Variants in ENPEP observed in about 807,000 individuals in gnomAD.
ENPEP encodes AP-A.
A neutral mutation model predicts 114.5 loss-of-function variants in ENPEP; 103 were observed. The observed-to-expected ratio is 0.90, with a 90% confidence interval of 0.77 to 1.06. The LOEUF is 1.06. ENPEP is among the 50% of genes least tolerant of loss of function. The pLI, the probability that ENPEP is intolerant of heterozygous loss-of-function variation, is 0.00. For missense variants in ENPEP, 1,196 were observed against 1,161.3 expected, an observed-to-expected ratio of 1.03 and a Z score of -0.43; for synonymous variants, 420 against 422.0, an observed-to-expected ratio of 1.00 and a Z score of 0.06.
rs138674118 is a variant in ENPEP at position 110,545,109 on chromosome 4, G to T, written c.2000+2039G>T. On this transcript the variant is annotated intron_variant, in intron 13 of 19. Transcript: ENST00000265162. ...AGACCATTATGAAACTTTGGTGGAG[G>T]GGGTGGAAGAGAGAAGAAATGCGTA... Among the ~76,000 whole-genome samples the T allele has an allele frequency of 4.0e-3, 601 of 151,488 alleles. 4 individuals carry two copies. The highest frequency in any genetic ancestry group is 6.3e-3 in the Non-Finnish European group (430 of 67,906).
intron 2 of ENPEP, among the ~76,000 whole-genome samples, chr4:110,489,077 G>C (rs1578391661): frequency 6.6e-6 from 1 of 151,744 alleles, no homozygotes; most frequent in Non-Finnish European, 1.5e-5. Context: ...TTTTTGTTTT[G>C]TTTTTTTGAA....
At chr4:110,554,875 G>T (rs76253667) in intron 18 of ENPEP, among the ~76,000 whole-genome samples, 1 of 151,880 alleles carries the variant, frequency 6.6e-6, no homozygotes, top group South Asian at 2.1e-4. Flanking sequence ...GCATAAAATG[G>T]CCATTAACTT....
chr4:110,520,257 A>G lies in ENPEP; in HGVS notation c.1618A>G (p.Arg540Gly). 6.2e-7 allele frequency: 1 copy of G among 1,614,156 alleles called. No individual in the cohort carries two copies. The highest frequency in any genetic ancestry group is 2.2e-5 in the East Asian group (1 of 44,880). The stretch of plus-strand genomic sequence containing the variant: ...GAAAGAAGTAATGGACACCTGGACC[A>G]GACAGATGGGTTATCCTGTGCTTAA... ...PVKEVMDTWT[R>G]QMGYPVLNVN... The change falls in exon 10 of 20, where the codon AGA becomes GGA. Residue 540 changes from arginine (R) to glycine (G), a missense_variant. Physicochemically the swap from Arg to Gly is moderately radical, Grantham distance 125. Coordinates refer to ENST00000265162, the MANE Select transcript of ENPEP (RefSeq NM_001977.4).
chr4:110,538,072 T>C (rs1726710862), intron 11 of ENPEP, among the ~76,000 whole-genome samples: 1 of 152,128 alleles, frequency 6.6e-6, no homozygotes, highest in Non-Finnish European at 1.5e-5. Context: ...GGCCTTAGGA[T>C]TTTTGGAATG....
intron 6 of ENPEP, among the ~76,000 whole-genome samples, chr4:110,510,632 G>T (rs1725540716): frequency 6.6e-6 from 1 of 151,702 alleles, no homozygotes. Flanking sequence ...AAAAACAGGT[G>T]GCATAGAAAA....
At chr4:110,531,375 A>G in intron 11 of ENPEP, 98 bp downstream of exon 11, 1 of 950,454 alleles carries the variant, frequency 1.1e-6, no homozygotes, top group Non-Finnish European at 1.4e-6. Flanking sequence ...GAACTTATGT[A>G]AACTTCAGCT....
chr4:110,514,481 C>T (rs1010707616), intron 7 of ENPEP, among the ~76,000 whole-genome samples: 3 of 151,762 alleles, frequency 2.0e-5, no homozygotes, highest in South Asian at 2.1e-4. Context: ...ATCTTTATGT[C>T]GAAATGAAAA....
At chr4:110,481,519 C>T (rs1724311097) in intron 1 of ENPEP, among the ~76,000 whole-genome samples, 1 of 152,098 alleles carries the variant, frequency 6.6e-6, no homozygotes, top group Non-Finnish European at 1.5e-5. Context: ...CAAATATTCT[C>T]AAATGGAATA....
At chr4:110,481,177 C>A (rs1724299765) in intron 1 of ENPEP, among the ~76,000 whole-genome samples, 1 of 151,966 alleles carries the variant, frequency 6.6e-6, no homozygotes, top group Non-Finnish European at 1.5e-5. Flanking sequence ...GATTCTGTGG[C>A]TAAATCAGTT....
intron 11 of ENPEP, among the ~76,000 whole-genome samples, chr4:110,538,663 T>C (rs1367011283): frequency 6.6e-6 from 1 of 152,222 alleles, no homozygotes; most frequent in Non-Finnish European, 1.5e-5. Flanking sequence ...AACTGTGTGG[T>C]ACAAGAGGCC....
At chr4:110,506,440 C>G (rs1290257251) in intron 3 of ENPEP, among the ~76,000 whole-genome samples, 197 bp from the exon 4 acceptor site, 1 of 152,130 alleles carries the variant, frequency 6.6e-6, no homozygotes, top group Non-Finnish European at 1.5e-5. Flanking sequence ...TAACATTTTA[C>G]ATAAAATTCC....
chr4:110,491,738 T>G (rs1724733825), intron 3 of ENPEP, among the ~76,000 whole-genome samples: 1 of 133,254 alleles, frequency 7.5e-6, no homozygotes, highest in Non-Finnish European at 1.6e-5. Context: ...TTTTTTTTTT[T>G]GAGACGGAGT....
intron 18 of ENPEP, among the ~76,000 whole-genome samples, chr4:110,554,777 G>T (rs1034769989): frequency 6.6e-6 from 1 of 151,772 alleles, no homozygotes; most frequent in Admixed American, 6.6e-5. Flanking sequence ...CTTTTTCTGT[G>T]GTGTATGGTG....
At chr4:110,480,042 A>G (rs1481670058) in intron 1 of ENPEP, among the ~76,000 whole-genome samples, 1 of 152,160 alleles carries the variant, frequency 6.6e-6, no homozygotes. Context: ...AGCTCAGTTG[A>G]CTTAACTTTT....
intron 11 of ENPEP, among the ~76,000 whole-genome samples, chr4:110,540,887 T>C (rs1301292297): frequency 6.6e-6 from 1 of 152,116 alleles, no homozygotes; most frequent in Non-Finnish European, 1.5e-5. Context: ...GGGATTTTTG[T>C]CCCTGTCTTC....
intron 11 of ENPEP, among the ~76,000 whole-genome samples, chr4:110,538,224 T>G (rs1318617474): frequency 3.9e-5 from 6 of 152,186 alleles, no homozygotes; most frequent in Non-Finnish European, 8.8e-5. Flanking sequence ...TCTTCTAATA[T>G]AAAGCTGTTT....
chr4:110,477,173 C>CT, intron 1 of ENPEP, 115 bp downstream of exon 1: 4 of 1,365,270 alleles, frequency 2.9e-6, no homozygotes, highest in Non-Finnish European at 3.9e-6. Flanking sequence ...TATTGATCGG[C>CT]TCTTGGTTTC....
At chr4:110,536,016 A>G (rs1251182678) in intron 11 of ENPEP, among the ~76,000 whole-genome samples, 1 of 148,036 alleles carries the variant, frequency 6.8e-6, no homozygotes, top group Non-Finnish European at 1.5e-5. Context: ...CTGAAGCAGG[A>G]GAATTGCTTG....
At chr4:110,536,107 CAAAAAAAAA>C (rs34765143) in intron 11 of ENPEP, among the ~76,000 whole-genome samples, 8 of 63,136 alleles carry the variant, frequency 1.3e-4, no homozygotes, top group East Asian at 1.4e-3. Flanking sequence ...AACTCTGTCT[CAAAAAAAAA>C]AAAAAAAAAA....
Sources: allele counts gnomAD v4.1 joint callset (sites outside exome capture counted in the v4.1 genomes callset), GRCh38; gene constraint gnomAD v4.1.1; transcripts MANE v1.5; gene names NCBI Gene and HGNC (gene_info 2026-07-23, HGNC 2026-07-21).